Variants in CCDC150 observed in about 807,000 individuals in gnomAD.
The protein encoded by CCDC150 is coiled-coil domain-containing protein 150.
A neutral mutation model predicts 156.5 loss-of-function variants in CCDC150; 151 were observed. That is an observed-to-expected ratio of 0.97 (90% confidence interval 0.85 to 1.10). CCDC150 has a LOEUF of 1.10. Among genes scored for constraint, CCDC150 ranks in the 50% least tolerant of loss-of-function variants. The pLI, the probability that CCDC150 is intolerant of heterozygous loss-of-function variation, is 0.00. For missense variants in CCDC150, 1,312 were observed against 1,268.1 expected, an observed-to-expected ratio of 1.03 and a Z score of -0.53; for synonymous variants, 452 against 429.4, an observed-to-expected ratio of 1.05 and a Z score of -0.65.
At position 196,674,315 on chromosome 2, in the gene CCDC150, C is replaced by T. The variant is rs775472838; in HGVS notation, c.1104C>T (p.Ala368=). The T allele has an allele frequency of 6.2e-7, 1 of 1,603,112 alleles. No homozygotes were observed. Among genetic ancestry groups the T allele is most frequent in the South Asian group, 1.1e-5 (1 of 88,740 alleles). ...TTCAGACTGTTACTATGGAAAAAGC[C>T]AGAATCATTGCTGACCATCAGGCCA... The part of the protein sequence containing the change: ...CMLQTVTMEK[A]RIIADHQAIL... Residue 368 remains alanine (A), a synonymous_variant, in exon 10 of 28, where the codon GCC becomes GCT. Coordinates refer to ENST00000389175, the MANE Select transcript of CCDC150 (RefSeq NM_001080539.2).
At chr2:196,732,390 A>G (rs936598351) in intron 27 of CCDC150, 56 bp from the exon 28 acceptor site, 4 of 1,314,768 alleles carry the variant, frequency 3.0e-6, no homozygotes, top group Non-Finnish European at 3.3e-6. Flanking sequence ...AAACAGGTGC[A>G]GATTGCTGCA....
chr2:196,683,145 A>G (rs921652303), intron 13 of CCDC150, among the ~76,000 whole-genome samples: 3 of 152,200 alleles, frequency 2.0e-5, no homozygotes, highest in African/African-American at 7.2e-5. Context: ...TATGATGTCA[A>G]CTGTGGGGTT....
Position 196,646,523 on chromosome 2 carries a change from A to C in CCDC150, c.176+19A>C, listed in dbSNP as rs1183816850. ...AAAAAAGGTAACAAAAATGAACTAC[A>C]TCTCTGTAGGTTGAAGAATTTTGCT... On this transcript the variant is annotated intron_variant, in intron 2 of 27. Transcript: ENST00000389175. 1 of 1,606,718 alleles carries C rather than the reference A, an allele frequency of 6.2e-7. No individual in the cohort carries two copies. Among genetic ancestry groups the C allele is most frequent in the Non-Finnish European group, 8.5e-7 (1 of 1,174,062 alleles).
Position 196,732,642 on chromosome 2 carries a change from C to A in CCDC150, c.*80C>A. On this transcript the variant is annotated 3_prime_UTR_variant, in exon 28 of 28. Coordinates refer to ENST00000389175, the MANE Select transcript of CCDC150 (RefSeq NM_001080539.2). The stretch of plus-strand genomic sequence containing the variant: ...CCCAGCAGCCGGGGCTGGCCTGTTT[C>A]TAGAGTCATAAGAACATGAAGTCTT... 1 of 925,652 alleles carries A rather than the reference C, an allele frequency of 1.1e-6. No homozygotes were observed. The highest frequency in any genetic ancestry group is 2.4e-5 in the East Asian group (1 of 41,380). The allele number at this position is 925,652 out of a possible 1,614,324, so 57.3% of individuals were successfully genotyped here. A position where few individuals can be genotyped will look rare whatever the true frequency, so the allele number is the denominator to read the frequency against.
intron 13 of CCDC150, among the ~76,000 whole-genome samples, chr2:196,689,302 G>C (rs1695300561): frequency 6.6e-6 from 1 of 152,134 alleles, no homozygotes; most frequent in African/African-American, 2.4e-5. Context: ...GTAGCTTGAT[G>C]GGGATGGCAT....
intron 5 of CCDC150, among the ~76,000 whole-genome samples, chr2:196,660,471 G>A (rs1559221493): frequency 6.6e-6 from 1 of 152,166 alleles, no homozygotes; most frequent in Admixed American, 6.5e-5. Flanking sequence ...ATCCTCACCG[G>A]CATTTGGTCT....
Position 196,730,084 on chromosome 2 carries a change from G to A in CCDC150, c.2948G>A (p.Arg983Gln), listed in dbSNP as rs540973795. Residue 983 changes from arginine to glutamine, a missense_variant, in exon 25 of 28, where the codon CGG becomes CAG. Physicochemically the swap from Arg to Gln is conservative, Grantham distance 43 (BLOSUM62 1). Transcript: ENST00000389175. ...CAAGAGCTGCACCTAGAAGCAGAGC[G>A]GAAAATAAGGCAGGAGCTAGAGAAT... The part of the protein sequence containing the change: ...KQQELHLEAE[R>Q]KIRQELENRC... 2.7e-4 allele frequency: 430 copies of A among 1,611,230 alleles called. 7 individuals carry two copies. In the South Asian group the frequency reaches 4.5e-3, roughly 17 times the overall value.
At chr2:196,690,068 C>T (rs949265423) in intron 13 of CCDC150, among the ~76,000 whole-genome samples, 1 of 152,072 alleles carries the variant, frequency 6.6e-6, no homozygotes. Context: ...AGTTCATGTC[C>T]TTTGTAGGGA....
intron 5 of CCDC150, 28 bp from the exon 6 acceptor site, chr2:196,665,539 C>A: frequency 1.5e-6 from 2 of 1,377,628 alleles, no homozygotes; most frequent in South Asian, 1.3e-5. Flanking sequence ...ATCAATTGGT[C>A]TTGCCTAACT....
chr2:196,640,070 A>G (rs1692121043), intron 1 of CCDC150, among the ~76,000 whole-genome samples: 1 of 152,222 alleles, frequency 6.6e-6, no homozygotes, highest in East Asian at 1.9e-4. Context: ...GTTGGAGTTT[A>G]ATAGGTTCCT....
At position 196,646,370 on chromosome 2, in the gene CCDC150, G is replaced by A. The variant is rs929153673; in HGVS notation, c.42G>A (p.Pro14=). 5.0e-6 allele frequency: 8 copies of A among 1,613,732 alleles called. No homozygotes were observed. The highest frequency in any genetic ancestry group is 2.2e-5 in the East Asian group (1 of 44,880). ...ATATGGAAACTACAGTGTCCAGACC[G>A]GTCCTTTCTCCAACCCACATCAACG... The part of the protein sequence containing the change: ...KVHMETTVSR[P]VLSPTHINAT... Residue 14 remains proline, a synonymous_variant, in exon 2 of 28, where the codon CCG becomes CCA. Transcript: ENST00000389175.
chr2:196,640,911 G>A (rs1692183165), intron 1 of CCDC150, among the ~76,000 whole-genome samples: 1 of 152,168 alleles, frequency 6.6e-6, no homozygotes, highest in Admixed American at 6.5e-5. Flanking sequence ...CAGTGACTCT[G>A]AGAATCACTG....
intron 13 of CCDC150, among the ~76,000 whole-genome samples, chr2:196,691,681 G>A (rs1695486692): frequency 6.6e-6 from 1 of 151,762 alleles, no homozygotes; most frequent in South Asian, 2.1e-4. Context: ...GGTGGCTCAC[G>A]CCTGTAATCC....
At chr2:196,671,427 CTTTTT>C (rs397987214) in intron 8 of CCDC150, among the ~76,000 whole-genome samples, 1 of 108,612 alleles carries the variant, frequency 9.2e-6, no homozygotes, top group Non-Finnish European at 1.8e-5. Flanking sequence ...TTTTCTCTCT[CTTTTT>C]TTTTTTTTTT....
intron 13 of CCDC150, among the ~76,000 whole-genome samples, chr2:196,679,233 T>G (rs1005594108): frequency 6.6e-6 from 1 of 152,172 alleles, no homozygotes; most frequent in Non-Finnish European, 1.5e-5. Context: ...TTTTGACACA[T>G]AAAATCATGT....
At chr2:196,657,202 C>T (rs984789878) in intron 4 of CCDC150, 66 bp downstream of exon 4, 4 of 1,460,002 alleles carry the variant, frequency 2.7e-6, no homozygotes, top group African/African-American at 1.4e-5. Flanking sequence ...GGTAACAGAC[C>T]TATGACGCGA....
At chr2:196,677,083 T>G (rs1207424025) in intron 12 of CCDC150, 2 of 693,356 alleles carry the variant, frequency 2.9e-6, no homozygotes, top group East Asian at 2.7e-5. Flanking sequence ...ACCAGCAGAG[T>G]CTGACATGCA....
At position 196,665,556 on chromosome 2, in the gene CCDC150, T is replaced by A; in HGVS notation, c.646-11T>A. ...CAATTGGTCTTGCCTAACTGCAGTG[T>A]TGCTTTGTAGCTAAGGAGACAACTG... is the stretch of plus-strand genomic sequence containing the variant. On this transcript the variant is annotated splice_polypyrimidine_tract_variant and intron_variant, in intron 5 of 27. Coordinates refer to ENST00000389175, the MANE Select transcript of CCDC150 (RefSeq NM_001080539.2). 1 of 1,547,926 alleles carries A rather than the reference T, an allele frequency of 6.5e-7. No individual in the cohort carries two copies. The highest frequency in any genetic ancestry group is 2.3e-5 in the East Asian group (1 of 43,648).
rs959921774 is a variant in CCDC150 at position 196,692,779 on chromosome 2, G to A, written c.1510-2267G>A. Among the ~76,000 whole-genome samples, 8 of 152,322 alleles carry A rather than the reference G, an allele frequency of 5.3e-5. No individual in the cohort carries two copies. The East Asian group carries it at 5.8e-4, about 11-fold the overall frequency. On this transcript the variant is annotated intron_variant, in intron 13 of 27. Coordinates refer to ENST00000389175, the MANE Select transcript of CCDC150 (RefSeq NM_001080539.2). ...TTTAGAGTAAGTGCCAAGTGGCAAT[G>A]AGAAGAATGTATATTTGTTGTTTTG...
Sources: allele counts gnomAD v4.1 joint callset (sites outside exome capture counted in the v4.1 genomes callset), GRCh38; gene constraint gnomAD v4.1.1; transcripts MANE v1.5; gene names NCBI Gene and HGNC (gene_info 2026-07-23, HGNC 2026-07-21).